The following ADGRB3 variants were observed in gnomAD, a reference collection of about 807,000 sequenced individuals.
The protein encoded by ADGRB3 is adhesion G protein-coupled receptor B3, also known as brain-specific angiogenesis inhibitor 3.
A neutral mutation model predicts 193.4 loss-of-function variants in ADGRB3; 37 were observed. That is an observed-to-expected ratio of 0.19 (90% CI 0.15 to 0.25). ADGRB3 has a LOEUF of 0.25. Among genes scored for constraint, ADGRB3 ranks in the 10% least tolerant of loss-of-function variants. ADGRB3 has a pLI of 1.00. For synonymous variants in ADGRB3, 690 were observed against 644.2 expected (o/e 1.07, Z -1.08); for missense variants, 1,637 against 1,852.9 (o/e 0.88, Z 2.14).
chr6:69,124,140 A>T (rs57339450), intron 17 of ADGRB3, among the ~76,000 whole-genome samples: 2,416 of 151,646 alleles, frequency 0.016, 89 homozygotes, highest in East Asian at 0.1. Context: ...TTTTTGACGT[A>T]TCTTTATCTT....
chr6:68,908,594 T>C (rs1196003405), intron 3 of ADGRB3, among the ~76,000 whole-genome samples: 1 of 152,148 alleles, frequency 6.6e-6, no homozygotes, highest in Non-Finnish European at 1.5e-5. Context: ...TATCATCATA[T>C]TGACAGTCTT....
chr6:68,638,623 C>G, intron 2 of ADGRB3, 38 bp from the exon 3 acceptor site: 1 of 1,531,042 alleles, frequency 6.5e-7, no homozygotes, highest in Non-Finnish European at 8.8e-7. Flanking sequence ...TGCACGTAGA[C>G]TCCTACTTGC....
chr6:68,824,929 C>T (rs1320881850), intron 3 of ADGRB3, among the ~76,000 whole-genome samples: 1 of 152,074 alleles, frequency 6.6e-6, no homozygotes, highest in East Asian at 1.9e-4. Context: ...ATCTCCCTCA[C>T]GGCAACCTCC....
intron 3 of ADGRB3, among the ~76,000 whole-genome samples, chr6:68,865,156 AC>A (rs1765260956): frequency 1.3e-5 from 2 of 151,984 alleles, no homozygotes; most frequent in Non-Finnish European, 2.9e-5. Flanking sequence ...GTCTTGTTTC[AC>A]CCCCAGTTTA....
At position 69,137,734 on chromosome 6, in the gene ADGRB3, A is replaced by T. The variant is rs114790116; in HGVS notation, c.2480+61696A>T. On this transcript the variant is annotated intron_variant, in intron 17 of 31. Transcript: ENST00000370598. ...ATCACTTGAACCCGGGAAGCTGAGGATGCAGTGGGCCAAGATCACACCACT... is the reference window on the plus strand; with the variant it reads ...ATCACTTGAACCCGGGAAGCTGAGGTTGCAGTGGGCCAAGATCACACCACT... 2.3e-3 allele frequency among the ~76,000 whole-genome samples: 357 copies of T among 152,182 alleles called. 12 individuals are homozygous for T. The East Asian group carries it at 0.058, about 25-fold the overall frequency.
intron 3 of ADGRB3, among the ~76,000 whole-genome samples, chr6:68,835,742 T>C (rs185514693): frequency 1.7e-4 from 26 of 152,310 alleles, no homozygotes; most frequent in Non-Finnish European, 3.1e-4. Context: ...GTATAATTTT[T>C]CTGTTATGGA....
intron 3 of ADGRB3, among the ~76,000 whole-genome samples, chr6:68,759,900 A>G (rs1323196038): frequency 1.3e-5 from 2 of 152,100 alleles, no homozygotes; most frequent in East Asian, 3.8e-4. Flanking sequence ...ATTTGACCTA[A>G]CAAAATCTCA....
chr6:68,816,644 T>G (rs552484798), intron 3 of ADGRB3, among the ~76,000 whole-genome samples: 2 of 152,154 alleles, frequency 1.3e-5, no homozygotes, highest in African/African-American at 4.8e-5. Context: ...TCACACTGGC[T>G]CCCAAGCTAC....
At chr6:69,311,020 G>A (rs1280603125) in intron 20 of ADGRB3, among the ~76,000 whole-genome samples, 12 of 151,706 alleles carry the variant, frequency 7.9e-5, no homozygotes, top group Admixed American at 7.9e-4. Flanking sequence ...TAACCTGGTA[G>A]GGTTCCAAAC....
intron 3 of ADGRB3, among the ~76,000 whole-genome samples, chr6:68,814,477 A>T (rs533388170): frequency 1.1e-4 from 17 of 152,238 alleles, no homozygotes; most frequent in Non-Finnish European, 2.2e-4. Context: ...GACTGCAAAA[A>T]GTTTCTCCCA....
At chr6:68,819,354 C>G (rs980875221) in intron 3 of ADGRB3, among the ~76,000 whole-genome samples, 3 of 151,928 alleles carry the variant, frequency 2.0e-5, no homozygotes, top group Non-Finnish European at 2.9e-5. Context: ...TTCCACCATA[C>G]ACATGTTCTT....
intron 3 of ADGRB3, among the ~76,000 whole-genome samples, chr6:68,798,225 G>T (rs927640999): frequency 9.2e-5 from 14 of 152,282 alleles, no homozygotes; most frequent in Non-Finnish European, 1.9e-4. Context: ...GTTTATAGAA[G>T]TGTATTTTAA....
intron 20 of ADGRB3, among the ~76,000 whole-genome samples, chr6:69,312,785 C>A (rs566306962): frequency 3.3e-5 from 5 of 151,680 alleles, no homozygotes; most frequent in Admixed American, 1.3e-4. Context: ...TATATTAGTT[C>A]TAATATCATT....
At chr6:68,818,255 G>T (rs746752967) in intron 3 of ADGRB3, among the ~76,000 whole-genome samples, 1 of 152,028 alleles carries the variant, frequency 6.6e-6, no homozygotes, top group Non-Finnish European at 1.5e-5. Context: ...AGACTTGAGA[G>T]TTAGATACAG....
At chr6:68,862,748 A>G (rs1765191800) in intron 3 of ADGRB3, among the ~76,000 whole-genome samples, 1 of 152,032 alleles carries the variant, frequency 6.6e-6, no homozygotes, top group African/African-American at 2.4e-5. Context: ...TTTCTTTTCC[A>G]CTAAGGCTAT....
chr6:68,718,170 G>A (rs1312065121), intron 3 of ADGRB3, among the ~76,000 whole-genome samples: 2 of 151,658 alleles, frequency 1.3e-5, no homozygotes, highest in Non-Finnish European at 3.0e-5. Flanking sequence ...AAGGAAGGGT[G>A]TTTAGGGATG....
chr6:68,800,259 G>A (rs189804954), intron 3 of ADGRB3, among the ~76,000 whole-genome samples: 1 of 152,246 alleles, frequency 6.6e-6, no homozygotes, highest in Admixed American at 6.5e-5. Flanking sequence ...TTGGGCCTGA[G>A]CAATTGAAGT....
chr6:69,162,224 G>A (rs183228562), intron 17 of ADGRB3, among the ~76,000 whole-genome samples: 1 of 151,946 alleles, frequency 6.6e-6, no homozygotes, highest in Non-Finnish European at 1.5e-5. Context: ...CTTGCATAAC[G>A]ACTTTTATCT....
intron 17 of ADGRB3, among the ~76,000 whole-genome samples, chr6:69,148,374 G>A (rs781373813): frequency 9.9e-5 from 15 of 151,838 alleles, no homozygotes; most frequent in South Asian, 2.1e-4. Flanking sequence ...TGATGACAAC[G>A]GTGACTGCAT....
Sources: gnomAD v4.1 joint callset for allele counts (sites outside exome capture counted in the v4.1 genomes callset) on GRCh38, gnomAD v4.1.1 for gene constraint, MANE v1.5 for transcripts, NCBI Gene and HGNC (gene_info 2026-07-23, HGNC 2026-07-21) for gene names.